Variants in KCNK2 observed in about 807,000 individuals in gnomAD.
KCNK2 encodes the protein potassium channel subfamily K member 2.
A neutral mutation model predicts 40.5 loss-of-function variants in KCNK2; 21 were observed. The observed-to-expected ratio is 0.52, with a 90% CI of 0.37 to 0.75. The LOEUF is 0.75. KCNK2 is among the 30% of genes least tolerant of loss of function. The pLI, the probability that KCNK2 is intolerant of heterozygous loss-of-function variation, is 0.00. For missense variants in KCNK2, 399 were observed against 531.6 expected, an observed-to-expected ratio of 0.75 and a Z score of 2.45; for synonymous variants, 191 against 202.2, an observed-to-expected ratio of 0.94 and a Z score of 0.47.
intron 1 of KCNK2, among the ~76,000 whole-genome samples, chr1:215,022,136 T>TGTCTAATC (rs1656825672): frequency 6.6e-6 from 1 of 151,058 alleles, no homozygotes; most frequent in Non-Finnish European, 1.5e-5. Flanking sequence ...TCTAATCATC[T>TGTCTAATC]ATCTATCTAA....
At chr1:215,060,319 G>A (rs919369405) in intron 1 of KCNK2, among the ~76,000 whole-genome samples, 4 of 152,146 alleles carry the variant, frequency 2.6e-5, no homozygotes, top group Non-Finnish European at 4.4e-5. Flanking sequence ...ATACTTCAGA[G>A]GCATCAGCTA....
intron 3 of KCNK2, among the ~76,000 whole-genome samples, chr1:215,167,020 A>G (rs1663476616): frequency 6.6e-6 from 1 of 152,174 alleles, no homozygotes; most frequent in Non-Finnish European, 1.5e-5. Flanking sequence ...CAAATCCCTC[A>G]GTAGATGAGT....
chr1:215,152,977 A>G (rs1404043081), intron 3 of KCNK2, among the ~76,000 whole-genome samples: 2 of 152,210 alleles, frequency 1.3e-5, no homozygotes, highest in African/African-American at 2.4e-5. Context: ...GAAGCTGGCT[A>G]AGAGATTCAA....
chr1:215,206,506 C>T (rs893822321), intron 6 of KCNK2, among the ~76,000 whole-genome samples: 1 of 151,994 alleles, frequency 6.6e-6, no homozygotes, highest in Admixed American at 6.6e-5. Context: ...CATATTTAGC[C>T]ACACATCTAT....
At chr1:215,177,270 A>G (rs998658583) in intron 5 of KCNK2, among the ~76,000 whole-genome samples, 4 of 152,056 alleles carry the variant, frequency 2.6e-5, no homozygotes, top group African/African-American at 7.2e-5. Flanking sequence ...TGTCAGATGC[A>G]TAGGTTATAC....
intron 1 of KCNK2, among the ~76,000 whole-genome samples, chr1:215,023,320 C>T (rs1346234200): frequency 1.3e-5 from 2 of 152,160 alleles, no homozygotes; most frequent in African/African-American, 4.8e-5. Context: ...AGGCATCTTC[C>T]TGTGCACTCT....
chr1:215,093,778 T>TATATAATATAAAA (rs1659832182), intron 2 of KCNK2, among the ~76,000 whole-genome samples: 3 of 13,572 alleles, frequency 2.2e-4, no homozygotes, highest in African/African-American at 5.8e-4. Flanking sequence ...TAAAATATAT[T>TATATAATATAAAA]ATATATTATA....
chr1:215,150,427 T>C (rs1051618654), intron 3 of KCNK2, among the ~76,000 whole-genome samples: 3 of 152,184 alleles, frequency 2.0e-5, no homozygotes, highest in African/African-American at 7.2e-5. Flanking sequence ...TGAATAATTG[T>C]TTAATTTCCA....
rs1666833427 is a variant in KCNK2 at position 215,235,209 on chromosome 1, G to T, written c.*64G>T. ...GGACTTCTCTATGCTCTTTATGACT[G>T]TTGCTGGTAGCATTTTTTAAATTGT... is the stretch of plus-strand genomic sequence containing the variant. On this transcript the variant is annotated 3_prime_UTR_variant, in exon 7 of 7. Coordinates refer to ENST00000444842, the MANE Select transcript of KCNK2 (RefSeq NM_001017425.3). 6 of 1,358,710 alleles carry T rather than the reference G, an allele frequency of 4.4e-6. No individual in the cohort carries two copies. The African/African-American group carries it at 7.2e-5, about 16-fold the overall frequency. The allele number at this position is 1,358,710 out of a possible 1,614,324, so 84.2% of individuals were successfully genotyped here. A position where few individuals can be genotyped will look rare whatever the true frequency, so the allele number is the denominator to read the frequency against.
intron 6 of KCNK2, among the ~76,000 whole-genome samples, chr1:215,207,431 T>G: frequency 6.6e-6 from 1 of 152,222 alleles, no homozygotes; most frequent in East Asian, 1.9e-4. Flanking sequence ...AAAAGTTATC[T>G]TCCATGAAAC....
At chr1:215,091,512 T>C (rs1486499934) in intron 2 of KCNK2, among the ~76,000 whole-genome samples, 1 of 152,206 alleles carries the variant, frequency 6.6e-6, no homozygotes, top group African/African-American at 2.4e-5. Context: ...TTATATTAAT[T>C]CCATAATCAT....
chr1:215,007,073 A>ATG (rs1558053999), intron 1 of KCNK2, among the ~76,000 whole-genome samples: 54 of 121,544 alleles, frequency 4.4e-4, no homozygotes, highest in African/African-American at 1.9e-3. Context: ...GTGTGTGTGT[A>ATG]TATATATATG....
At chr1:215,080,887 T>G (rs4581247), upstream of KCNK2, among the ~76,000 whole-genome samples, 2 of 152,180 alleles carry the variant, frequency 1.3e-5, no homozygotes, top group African/African-American at 4.8e-5. Flanking sequence ...TAAGTGTTGC[T>G]GTGAAGGTGT....
At chr1:215,216,931 G>A (rs1165977322) in intron 6 of KCNK2, among the ~76,000 whole-genome samples, 1 of 152,088 alleles carries the variant, frequency 6.6e-6, no homozygotes, top group Non-Finnish European at 1.5e-5. Context: ...TTAAACCAAA[G>A]CTGTTTCTTC....
At chr1:215,161,242 C>G (rs1663180868) in intron 3 of KCNK2, among the ~76,000 whole-genome samples, 1 of 152,124 alleles carries the variant, frequency 6.6e-6, no homozygotes, top group Non-Finnish European at 1.5e-5. Flanking sequence ...TGCTGCAACT[C>G]TCACACACTC....
intron 3 of KCNK2, among the ~76,000 whole-genome samples, chr1:215,155,167 C>T (rs576386952): frequency 6.6e-6 from 1 of 152,026 alleles, no homozygotes; most frequent in East Asian, 1.9e-4. Context: ...TACTACTTTC[C>T]CCATCACTAT....
intron 6 of KCNK2, among the ~76,000 whole-genome samples, chr1:215,226,387 G>A (rs995104793): frequency 7.9e-5 from 12 of 152,270 alleles, no homozygotes; most frequent in Non-Finnish European, 5.9e-5. Context: ...GCGCAGTGGC[G>A]TGATCTCGGC....
chr1:215,069,787 T>C (rs1469622284), intron 1 of KCNK2, among the ~76,000 whole-genome samples: 2 of 152,312 alleles, frequency 1.3e-5, no homozygotes, highest in East Asian at 1.9e-4. Context: ...CTAATTTTCA[T>C]GTGAATCTAT....
At chr1:215,061,623 T>C (rs1436440055) in intron 1 of KCNK2, among the ~76,000 whole-genome samples, 6 of 152,134 alleles carry the variant, frequency 3.9e-5, no homozygotes, top group East Asian at 1.9e-4. Context: ...CTGTCAAGTA[T>C]GCAAATTGTC....
Sources: gnomAD v4.1 joint callset for allele counts (sites outside exome capture counted in the v4.1 genomes callset) on GRCh38, gnomAD v4.1.1 for gene constraint, MANE v1.5 for transcripts, NCBI Gene and HGNC (gene_info 2026-07-23, HGNC 2026-07-21) for gene names.